Variants in TMEM87A observed in about 807,000 individuals in gnomAD.
TMEM87A encodes the protein transmembrane protein 87A, also known as Golgi-pH regulating cation channel.
A neutral mutation model predicts 90.0 loss-of-function variants in TMEM87A; 50 were observed. The observed-to-expected ratio is 0.56, with a 90% CI of 0.44 to 0.70. TMEM87A has a LOEUF of 0.70. TMEM87A is among the 30% of genes least tolerant of loss of function. The pLI is 0.00. For synonymous variants in TMEM87A, 226 were observed against 226.7 expected (o/e 1.00, Z 0.03); for missense variants, 577 against 660.5 (o/e 0.87, Z 1.39).
intron 6 of TMEM87A, among the ~76,000 whole-genome samples, chr15:42,256,000 G>A (rs984661872): frequency 7.5e-5 from 11 of 146,614 alleles, no homozygotes; most frequent in African/African-American, 2.3e-4. Flanking sequence ...GGCTGATCTC[G>A]AACTCCTGAC....
intron 6 of TMEM87A, chr15:42,258,478 G>C (rs1051937532): frequency 4.4e-6 from 2 of 454,294 alleles, no homozygotes; most frequent in Non-Finnish European, 5.8e-6. Flanking sequence ...CCAGGCTGGA[G>C]TGCAGTAGCG....
chr15:42,226,141 A>G (rs893969095), intron 15 of TMEM87A, among the ~76,000 whole-genome samples: 1 of 152,018 alleles, frequency 6.6e-6, no homozygotes, highest in African/African-American at 2.4e-5. Context: ...CTGGGATTAC[A>G]GGCATCCACC....
Position 42,223,130 on chromosome 15 carries a change from C to T in TMEM87A, c.1404-2995G>A, listed in dbSNP as rs182198816. Among the ~76,000 whole-genome samples, 89 of 152,244 alleles carry T rather than the reference C, an allele frequency of 5.8e-4. 1 individual carries two copies. The East Asian group carries it at 0.016, about 28-fold the overall frequency. On this transcript the variant is annotated intron_variant, in intron 15 of 19. Transcript: ENST00000389834. Reference sequence around the variant, plus strand: ...AAATTGGGCCTGGTATGGTGGCTCACGCCTGTAATCCCAGCGTTTTGGGAG... The same window carrying T: ...AAATTGGGCCTGGTATGGTGGCTCATGCCTGTAATCCCAGCGTTTTGGGAG...
At chr15:42,247,525 A>T (rs1241806895) in intron 6 of TMEM87A, among the ~76,000 whole-genome samples, 1 of 152,218 alleles carries the variant, frequency 6.6e-6, no homozygotes, top group Non-Finnish European at 1.5e-5. Context: ...TTTTCCCAGC[A>T]CCATTTATTA....
chr15:42,264,102 G>A lies in TMEM87A; in HGVS notation c.393C>T (p.Leu131=). Residue 131 remains leucine, a synonymous_variant, in exon 4 of 20, where the codon CTC becomes CTT. Transcript: ENST00000389834. ...TTTCAAAGATTACCTGTGTTTTAAA[G>A]AGTTCACTGCAGTTCTGGAACAATT... The part of the protein sequence containing the change: ...SSKLFQNCSE[L]FKTQTFSGDF... The A allele has an allele frequency of 6.2e-7, 1 of 1,611,458 alleles. No individual in the cohort carries two copies. Among genetic ancestry groups the A allele is most frequent in the East Asian group, 2.2e-5 (1 of 44,752 alleles).
intron 6 of TMEM87A, chr15:42,258,898 G>C (rs185579873): frequency 2.3e-4 from 332 of 1,437,824 alleles, no homozygotes; most frequent in Middle Eastern, 2.1e-3. Flanking sequence ...GAAAACACTG[G>C]CAAAAACTAT....
chr15:42,229,995 T>C (rs1363943325), intron 12 of TMEM87A, among the ~76,000 whole-genome samples: 2 of 152,138 alleles, frequency 1.3e-5, no homozygotes, highest in Non-Finnish European at 2.9e-5. Context: ...CTGATGAATT[T>C]TTGTATTTTT....
rs527299158 is a variant in TMEM87A at position 42,210,756 on chromosome 15, A to G, written c.*952T>C. The stretch of plus-strand genomic sequence containing the variant: ...CAGTCCAGGGCCTCCACGCTACTTC[A>G]TGCAATAACTGTTTAAATTAAGCCA... On this transcript the variant is annotated 3_prime_UTR_variant, in exon 20 of 20. Coordinates refer to ENST00000389834, the MANE Select transcript of TMEM87A (RefSeq NM_015497.5). The G allele has an allele frequency of 9.8e-5, 15 of 152,842 alleles. No individual in the cohort carries two copies. In the East Asian group the frequency reaches 2.9e-3, roughly 29 times the overall value. The allele number at this position is 152,842 out of a possible 1,614,324, so 9.5% of individuals were successfully genotyped here.
At chr15:42,236,019 A>G (rs1456136357) in intron 10 of TMEM87A, among the ~76,000 whole-genome samples, 1 of 152,242 alleles carries the variant, frequency 6.6e-6, no homozygotes, top group Non-Finnish European at 1.5e-5. Flanking sequence ...TTTGCAAAAA[A>G]TATTTTGGAA....
chr15:42,227,113 A>G, intron 14 of TMEM87A: 3 of 544,710 alleles, frequency 5.5e-6, no homozygotes, highest in Non-Finnish European at 9.8e-6. Context: ...TACTGTTGTT[A>G]AAGAAAATGC....
chr15:42,236,413 C>A lies in TMEM87A; in HGVS notation c.875G>T (p.Gly292Val). The change falls in exon 10 of 20, where the codon GGT becomes GTT. Residue 292 changes from glycine to valine, a missense_variant. Physicochemically the swap from Gly to Val is moderately radical, Grantham distance 109. Transcript: ENST00000389834. ...NIRYKGESVQGALILAELLSA... is the reference protein window; with the variant it reads ...NIRYKGESVQVALILAELLSA... Reference sequence around the variant, plus strand: ...AAGCAGCTCTGCAAGGATCAAAGCACCCTGGACTATGAAAAAGAAGGGAAG... The same window carrying A: ...AAGCAGCTCTGCAAGGATCAAAGCAACCTGGACTATGAAAAAGAAGGGAAG... 1.2e-6 allele frequency: 2 copies of A among 1,613,918 alleles called. No individual in the cohort carries two copies. The highest frequency in any genetic ancestry group is 1.7e-5 in the Admixed American group (1 of 60,002).
intron 6 of TMEM87A, chr15:42,258,298 AAAG>A (rs1274058384): frequency 4.4e-5 from 31 of 706,642 alleles, no homozygotes; most frequent in Non-Finnish European, 5.4e-5. Flanking sequence ...CCCATATACA[AAAG>A]AATAGGAAGA....
At chr15:42,266,247 G>T (rs1019831257) in intron 3 of TMEM87A, among the ~76,000 whole-genome samples, 2 of 152,240 alleles carry the variant, frequency 1.3e-5, no homozygotes, top group Non-Finnish European at 2.9e-5. Context: ...TGGGCACAAT[G>T]GCTCACGCCT....
At chr15:42,214,695 G>A (rs2050351809) in intron 19 of TMEM87A, among the ~76,000 whole-genome samples, 1 of 152,140 alleles carries the variant, frequency 6.6e-6, no homozygotes, top group Admixed American at 6.5e-5. Flanking sequence ...TAAAGACTTA[G>A]ACAAGTCAAA....
chr15:42,239,876 T>C (rs2050838860), intron 7 of TMEM87A, 145 bp from the exon 8 acceptor site: 1 of 723,302 alleles, frequency 1.4e-6, no homozygotes, highest in South Asian at 1.6e-5. Flanking sequence ...TATTACATTA[T>C]ATTTGTACAG....
intron 2 of TMEM87A, among the ~76,000 whole-genome samples, chr15:42,270,092 G>T (rs1007808970): frequency 2.0e-5 from 3 of 152,096 alleles, no homozygotes; most frequent in African/African-American, 7.2e-5. Flanking sequence ...GTCTCAGGCC[G>T]GGCACGGTGG....
intron 6 of TMEM87A, among the ~76,000 whole-genome samples, chr15:42,252,983 T>C (rs1177785497): frequency 1.3e-5 from 2 of 152,228 alleles, no homozygotes; most frequent in African/African-American, 4.8e-5. Context: ...CTTAGTAAGT[T>C]TTCTAAACCA....
At chr15:42,262,478 C>T (rs1419202658) in intron 4 of TMEM87A, among the ~76,000 whole-genome samples, 10 of 150,508 alleles carry the variant, frequency 6.6e-5, no homozygotes, top group African/African-American at 1.7e-4. Context: ...TCACTCTTGT[C>T]GCCCAGGCTG....
intron 6 of TMEM87A, among the ~76,000 whole-genome samples, chr15:42,244,492 A>C (rs897140084): frequency 2.6e-5 from 4 of 151,958 alleles, no homozygotes; most frequent in Non-Finnish European, 4.4e-5. Context: ...TTTGTGTTTT[A>C]TGCAGACATT....
Sources: gnomAD v4.1 joint callset for allele counts (sites outside exome capture counted in the v4.1 genomes callset) on GRCh38, gnomAD v4.1.1 for gene constraint, MANE v1.5 for transcripts, NCBI Gene and HGNC (gene_info 2026-07-23, HGNC 2026-07-21) for gene names.